Variants in MYO15A observed in about 807,000 individuals in gnomAD.
MYO15A encodes the protein myosin XVA.
MYO15A carries 308 observed loss-of-function variants against 394.6 expected under a neutral mutation model. That is an observed-to-expected ratio of 0.78 (90% CI 0.71 to 0.86). The LOEUF (loss-of-function observed/expected upper bound fraction) is 0.86. Among genes scored for constraint, MYO15A ranks in the 40% least tolerant of loss-of-function variants. The probability of loss-of-function intolerance (pLI) is 0.00; values close to 1 mark genes in which losing one functional copy is unlikely to be tolerated. For missense variants in MYO15A, 4,606 were observed against 4,799.1 expected, an observed-to-expected ratio of 0.96 and a Z score of 1.19; for synonymous variants, 1,957 against 2,003.8, an observed-to-expected ratio of 0.98 and a Z score of 0.62.
At position 18,142,805 on chromosome 17, in the gene MYO15A, G is replaced by C; in HGVS notation, c.5875G>C (p.Val1959Leu). The C allele has an allele frequency of 6.2e-7, 1 of 1,613,602 alleles. No individual in the cohort carries two copies. Among genetic ancestry groups the C allele is most frequent in the Non-Finnish European group, 8.5e-7 (1 of 1,179,924 alleles). The change falls in exon 25 of 66, where the codon GTA becomes CTA. Residue 1959 changes from valine to leucine, a missense_variant. Around this residue, in one of 2 missense-constraint regions of MYO15A, gnomAD observed 2,776 missense variants for 3,109.3 expected, o/e 0.89. Coordinates refer to ENST00000647165, the MANE Select transcript of MYO15A (RefSeq NM_016239.4). Reference sequence around the variant, plus strand: ...GAGTCTGGTGAAGTTCCGGTCCCTGGTACACGCATACGTGAGCCGCCGACG... The same window carrying C: ...GAGTCTGGTGAAGTTCCGGTCCCTGCTACACGCATACGTGAGCCGCCGACG... ...RRSLVKFRSL[V>L]HAYVSRRRYL...
rs201227412 is a variant in MYO15A, at chr17:18,178,831, G to A, written c.10554G>A (p.Lys3518=). 4 of 1,613,884 alleles carry A rather than the reference G, an allele frequency of 2.5e-6. No homozygotes were observed. The African/African-American group carries it at 4.0e-5, about 16-fold the overall frequency. Reference sequence around the variant, plus strand: ...AGAACCTGCTCAGTGCCCATGAGAAGCGGCTCACATTGCCCCCCAGCGAGA... The same window carrying A: ...AGAACCTGCTCAGTGCCCATGAGAAACGGCTCACATTGCCCCCCAGCGAGA... ...HVENLLSAHE[K]RLTLPPSEIT... The change falls in exon 66 of 66, where the codon AAG becomes AAA. Residue 3518 remains lysine, a synonymous_variant. Transcript: ENST00000647165.
Position 18,119,306 on chromosome 17 carries a change from C to G in MYO15A, c.506C>G (p.Ser169Cys). 1 of 1,611,034 alleles carries G rather than the reference C, an allele frequency of 6.2e-7. No individual in the cohort carries two copies. The highest frequency in any genetic ancestry group is 1.3e-5 in the African/African-American group (1 of 75,020). The change falls in exon 2 of 66, where the codon TCC becomes TGC. Residue 169 changes from serine to cysteine, a missense_variant. Coordinates refer to ENST00000647165, the MANE Select transcript of MYO15A (RefSeq NM_016239.4). ...CAGCGCTCGAGCTCCCGCATGGGCT[C>G]CCGCAAACTCCCCTTCCCGTCGGGT... is the stretch of plus-strand genomic sequence containing the variant. ...WLQRSSSRMG[S>C]RKLPFPSGAE...
intron 60 of MYO15A, chr17:18,164,146 G>C: frequency 2.3e-6 from 1 of 437,154 alleles, no homozygotes; most frequent in Non-Finnish European, 4.3e-6. Context: ...TCCTGGAAAG[G>C]TTTCCATTAA....
rs1233326504 is a variant in MYO15A at position 18,179,418 on chromosome 17, G to A, written c.*548G>A. The A allele has an allele frequency of 5.5e-6, 1 of 181,930 alleles. No individual in the cohort carries two copies. Among genetic ancestry groups the A allele is most frequent in the Non-Finnish European group, 1.2e-5 (1 of 84,676 alleles). 11.3% of individuals were successfully genotyped at this position (181,930 alleles called of 1,614,324 possible). ...CCATTTCTCCATGGAGTTGCTAAGT[G>A]GCCGGAAAACAAGCCTGAGGGAGGA... On this transcript the variant is annotated 3_prime_UTR_variant, in exon 66 of 66. Coordinates refer to ENST00000647165, the MANE Select transcript of MYO15A (RefSeq NM_016239.4).
At chr17:18,139,010 A>G in intron 18 of MYO15A, 74 bp downstream of exon 18, 2 of 1,559,682 alleles carry the variant, frequency 1.3e-6, no homozygotes, top group Non-Finnish European at 1.7e-6. Flanking sequence ...GAAGCACAAC[A>G]CTGGCCCCAG....
At position 18,167,759 on chromosome 17, in the gene MYO15A, C is replaced by G. The variant is rs763887499; in HGVS notation, c.10082+36C>G. ...GCCCTCCTGCCTCAGCTGGGGTGGA[C>G]AGGCAACCCTGCCCTCTCAGCCCAC... On this transcript the variant is annotated intron_variant, in intron 62 of 65. Transcript: ENST00000647165. 4 of 1,600,236 alleles carry G rather than the reference C, an allele frequency of 2.5e-6. No homozygotes were observed. The African/African-American group carries it at 4.0e-5, about 16-fold the overall frequency.
rs200146361 is a variant in MYO15A, at chr17:18,140,592, C to T, written c.5287C>T (p.Arg1763Trp). ...QRLGKSSSVT[R>W]LYKAHTVAAK... ...CCTGGGCAAGAGCAGCTCCGTCACTCGGCTCTACAAGGCGCACACTGTGGC... is the reference window on the plus strand; with the variant it reads ...CCTGGGCAAGAGCAGCTCCGTCACTTGGCTCTACAAGGCGCACACTGTGGC... Residue 1763 changes from arginine to tryptophan, a missense_variant, in exon 20 of 66, where the codon CGG becomes TGG. Arg to Trp is a moderately radical substitution (Grantham distance 101). Around this residue, in one of 2 missense-constraint regions of MYO15A, gnomAD observed 2,776 missense variants for 3,109.3 expected, o/e 0.89. Transcript: ENST00000647165. The T allele has an allele frequency of 2.0e-3, 3,165 of 1,613,658 alleles. 9 individuals are homozygous for T. The highest frequency in any genetic ancestry group is 2.2e-3 in the Non-Finnish European group (2,563 of 1,180,052).
At chr17:18,166,599 G>C in intron 61 of MYO15A, 78 bp downstream of exon 61, 1 of 1,572,420 alleles carries the variant, frequency 6.4e-7, no homozygotes, top group Non-Finnish European at 8.7e-7. Context: ...CCACAGCCTT[G>C]GTGTTTGAAG....
intron 62 of MYO15A, among the ~76,000 whole-genome samples, chr17:18,169,151 TAATAATA>T (rs1567665103): frequency 8.4e-6 from 1 of 119,706 alleles, no homozygotes; most frequent in African/African-American, 3.0e-5. Flanking sequence ...ATAATAATAA[TAATAATA>T]AAAATAGGCT....
At chr17:18,131,429 C>G in intron 9 of MYO15A, 39 bp from the exon 10 acceptor site, 1 of 1,614,004 alleles carries the variant, frequency 6.2e-7, no homozygotes, top group Non-Finnish European at 8.5e-7. Context: ...CACCAGCCCT[C>G]CTACCCTCAC....
In MYO15A at chr17:18,138,261, C is replaced by T. The variant is rs891826719; in HGVS notation, c.5007+15C>T. Reference sequence around the variant, plus strand: ...GCTTTCCCCAGGTGAGCCGCAGGCACTGTGTGAGCCTAGTCAGGTCACAGA... The same window carrying T: ...GCTTTCCCCAGGTGAGCCGCAGGCATTGTGTGAGCCTAGTCAGGTCACAGA... On this transcript the variant is annotated intron_variant, in intron 17 of 65. Coordinates refer to ENST00000647165, the MANE Select transcript of MYO15A (RefSeq NM_016239.4). 1 of 1,610,626 alleles carries T rather than the reference C, an allele frequency of 6.2e-7. No homozygotes were observed. The highest frequency in any genetic ancestry group is 8.5e-7 in the Non-Finnish European group (1 of 1,179,884).
intron 39 of MYO15A, 30 bp from the exon 40 acceptor site, chr17:18,151,365 C>A (rs2046578205): frequency 2.5e-6 from 4 of 1,614,204 alleles, no homozygotes; most frequent in South Asian, 2.2e-5. Context: ...TGTGGCCTCA[C>A]CCTGTTCCCA....
At chr17:18,174,669 C>T (rs1404554918) in intron 65 of MYO15A, among the ~76,000 whole-genome samples, 1 of 152,156 alleles carries the variant, frequency 6.6e-6, no homozygotes, top group Non-Finnish European at 1.5e-5. Flanking sequence ...TCTCACACCC[C>T]CCTGGGGTCA....
intron 56 of MYO15A, chr17:18,160,949 T>C: frequency 2.6e-6 from 1 of 390,148 alleles, no homozygotes; most frequent in Non-Finnish European, 4.9e-6. Flanking sequence ...CTCCTGCTCC[T>C]CCCAGCCCTG....
At chr17:18,161,296 A>C (rs756574743) in intron 56 of MYO15A, 21 bp from the exon 57 acceptor site, 3 of 1,612,880 alleles carry the variant, frequency 1.9e-6, no homozygotes, top group Non-Finnish European at 2.5e-6. Flanking sequence ...CCTCTGCTGT[A>C]GCCCCCATGT....
At position 18,157,775 on chromosome 17, in the gene MYO15A, G is replaced by T. The variant is rs776863959; in HGVS notation, c.8842G>T (p.Val2948Leu). 1.4e-5 allele frequency: 22 copies of T among 1,605,058 alleles called. No individual in the cohort carries two copies. The change falls in exon 51 of 66, where the codon GTG becomes TTG. Residue 2948 changes from valine (V) to leucine (L), a missense_variant. Around this residue, in one of 2 missense-constraint regions of MYO15A, gnomAD observed 2,776 missense variants for 3,109.3 expected, o/e 0.89. Transcript: ENST00000647165. ...CGTGGGCCGCTTCCCTTCGGAGCTGGTGCAGCCCGCTGCTGCCCCCGACTT... is the reference window on the plus strand; with the variant it reads ...CGTGGGCCGCTTCCCTTCGGAGCTGTTGCAGCCCGCTGCTGCCCCCGACTT... The part of the protein sequence containing the change: ...GRVGRFPSEL[V>L]QPAAAPDFLQ...
rs1341154068 is a variant in MYO15A at position 18,133,405 on chromosome 17, C to T, written c.4482+19C>T. The stretch of plus-strand genomic sequence containing the variant: ...GTATGAGGTGAGGGGACGCCACAGC[C>T]TGCCATGGGGCCCGCACCCTCTGGA... On this transcript the variant is annotated intron_variant, in intron 12 of 65. Transcript: ENST00000647165. 6.2e-7 allele frequency: 1 copy of T among 1,613,608 alleles called. No homozygotes were observed.
intron 7 of MYO15A, among the ~76,000 whole-genome samples, chr17:18,129,975 G>A (rs1403069329): frequency 6.6e-6 from 1 of 152,174 alleles, no homozygotes. Flanking sequence ...TGCCTCCCAG[G>A]TTCAAGCAGT....
intron 1 of MYO15A, among the ~76,000 whole-genome samples, chr17:18,113,970 G>A (rs2045754714): frequency 6.6e-6 from 1 of 152,046 alleles, no homozygotes; most frequent in Non-Finnish European, 1.5e-5. Context: ...CCTTGTTATA[G>A]CTGTGTTGTG....
Sources: gnomAD v4.1 joint callset for allele counts (sites outside exome capture counted in the v4.1 genomes callset) on GRCh38, gnomAD v4.1.1 for gene constraint, gnomAD v4.1.1 regional missense constraint, MANE v1.5 for transcripts, NCBI Gene and HGNC (gene_info 2026-07-23, HGNC 2026-07-21) for gene names.